Variants in RPS6KA2 observed in about 807,000 individuals in gnomAD.
The protein encoded by RPS6KA2 is ribosomal protein S6 kinase alpha-2.
RPS6KA2 carries 42 observed loss-of-function variants against 91.8 expected under a neutral mutation model. That is an observed-to-expected ratio of 0.46 (90% CI 0.36 to 0.59). The LOEUF is 0.59. Ranked by LOEUF, RPS6KA2 falls within the 20% of genes least tolerant of loss-of-function variation. The probability of loss-of-function intolerance (pLI) is 0.00; values close to 1 mark genes in which losing one functional copy is unlikely to be tolerated. For missense variants in RPS6KA2, 798 were observed against 978.5 expected (o/e 0.82, Z 2.46); for synonymous variants, 414 against 393.6 (o/e 1.05, Z -0.61).
rs141469528 is a variant in RPS6KA2, at chr6:166,639,581, T to C, written c.124-100797A>G. On this transcript the variant is annotated intron_variant, in intron 2 of 21. Transcript: ENST00000503859. This position sits in a 1 kb window ranked among gnomAD's most constrained non-coding sequence, Gnocchi z 4.2. ...TCTGTTCTTCCTAGCCAGGCCTTCT[T>C]CCATGTTGCGTTTGCCTCTCCTCCT... is the stretch of plus-strand genomic sequence containing the variant. Among the ~76,000 whole-genome samples, 1 of 152,268 alleles carries C rather than the reference T, an allele frequency of 6.6e-6. No homozygotes were observed. Among genetic ancestry groups the C allele is most frequent in the East Asian group, 1.9e-4 (1 of 5,176 alleles).
chr6:166,781,926 A>G (rs542722424), intron 2 of RPS6KA2, among the ~76,000 whole-genome samples: 1 of 152,298 alleles, frequency 6.6e-6, no homozygotes, highest in East Asian at 1.9e-4. Context: ...GTTCAGCAGT[A>G]TATCTGGCCT....
At chr6:166,462,026 G>A (rs1037692839) in intron 11 of RPS6KA2, among the ~76,000 whole-genome samples, 1 of 152,244 alleles carries the variant, frequency 6.6e-6, no homozygotes, top group African/African-American at 2.4e-5. Flanking sequence ...GGAGGCCAGG[G>A]TGTGCAGAAC....
rs765821950 is a variant in RPS6KA2, at chr6:166,500,846, T to C, written c.604+41A>G. ...AGGTGGTCCCCAAAGGTACCAGGGC[T>C]GAGATGAAGCCATGGAGGGGGCCTG... On this transcript the variant is annotated intron_variant, in intron 7 of 20. Transcript: ENST00000265678. This position sits in a 1 kb window ranked among gnomAD's most constrained non-coding sequence, Gnocchi z 4.3. The C allele has an allele frequency of 1.3e-6, 2 of 1,567,400 alleles. No individual in the cohort carries two copies. Among genetic ancestry groups the C allele is most frequent in the Non-Finnish European group, 1.8e-6 (2 of 1,137,540 alleles).
At chr6:166,443,172 A>T (rs1779573116) in intron 14 of RPS6KA2, among the ~76,000 whole-genome samples, 1 of 152,194 alleles carries the variant, frequency 6.6e-6, no homozygotes, top group African/African-American at 2.4e-5. Flanking sequence ...AGCAAATCAT[A>T]AGGAAGAGAA....
chr6:166,675,317 C>A (rs1381135919), intron 2 of RPS6KA2, among the ~76,000 whole-genome samples: 1 of 152,236 alleles, frequency 6.6e-6, no homozygotes, highest in Non-Finnish European at 1.5e-5. Context: ...TCCAGCCCAC[C>A]TACCCCTGCT....
chr6:166,751,876 G>C (rs1010678704), intron 2 of RPS6KA2, among the ~76,000 whole-genome samples: 1 of 152,194 alleles, frequency 6.6e-6, no homozygotes, highest in African/African-American at 2.4e-5. Flanking sequence ...ATGGAGCACA[G>C]AGGCCAGACT....
At chr6:166,544,273 G>A (rs1033958382) in intron 1 of RPS6KA2, among the ~76,000 whole-genome samples, 1 of 152,234 alleles carries the variant, frequency 6.6e-6, no homozygotes, top group African/African-American at 2.4e-5. Flanking sequence ...TTTAAAGGGA[G>A]AGAAGATTCA....
Position 166,418,475 on chromosome 6 carries a change from G to T in RPS6KA2, c.1821-133C>A, listed in dbSNP as rs757162582. 1.4e-6 allele frequency: 1 copy of T among 711,344 alleles called. No homozygotes were observed. The highest frequency in any genetic ancestry group is 2.5e-6 in the Non-Finnish European group (1 of 402,894). The allele number at this position is 711,344 out of a possible 1,614,324, so 44.1% of individuals were successfully genotyped here. A position where few individuals can be genotyped will look rare whatever the true frequency, so the allele number is the denominator to read the frequency against. Reference sequence around the variant, plus strand: ...TCTCCCTCCTCTGCTCTGAAGCCAGGATTCATGGGAAAGCGGAACTTACCT... The same window carrying T: ...TCTCCCTCCTCTGCTCTGAAGCCAGTATTCATGGGAAAGCGGAACTTACCT... On this transcript the variant is annotated intron_variant, in intron 18 of 20. Transcript: ENST00000265678. This position sits in a 1 kb window ranked among gnomAD's most constrained non-coding sequence, Gnocchi z 4.9.
chr6:166,550,455 A>C (rs966777716), intron 1 of RPS6KA2, among the ~76,000 whole-genome samples: 2 of 152,008 alleles, frequency 1.3e-5, no homozygotes, highest in African/African-American at 4.8e-5. Context: ...AAAAAAAAGA[A>C]GGACTCAATA....
chr6:166,477,732 G>C, intron 10 of RPS6KA2, among the ~76,000 whole-genome samples: 1 of 152,132 alleles, frequency 6.6e-6, no homozygotes, highest in East Asian at 1.9e-4. Context: ...GCAACATAGC[G>C]GGGCCCCTTC....
chr6:166,625,257 T>C (rs1039339626), intron 1 of RPS6KA2, among the ~76,000 whole-genome samples: 1 of 152,002 alleles, frequency 6.6e-6, no homozygotes, highest in African/African-American at 2.4e-5. Context: ...ACATCGCTGA[T>C]GGTTTATGTA....
intron 11 of RPS6KA2, among the ~76,000 whole-genome samples, chr6:166,469,169 G>A (rs1361312560): frequency 6.6e-6 from 1 of 152,140 alleles, no homozygotes; most frequent in African/African-American, 2.4e-5. Flanking sequence ...TTGGCGTCTT[G>A]GCAGAAATAG....
chr6:166,701,117 G>A, intron 2 of RPS6KA2: 4 of 1,611,440 alleles, frequency 2.5e-6, no homozygotes, highest in Non-Finnish European at 3.4e-6. Context: ...GACTGAGGTG[G>A]TCCACTTTGC....
At chr6:166,457,375 TAA>T (rs1780137931) in intron 12 of RPS6KA2, among the ~76,000 whole-genome samples, 1 of 152,356 alleles carries the variant, frequency 6.6e-6, no homozygotes, top group Non-Finnish European at 1.5e-5. Flanking sequence ...TGAATTGGGT[TAA>T]GTTTGTCAAT....
intron 1 of RPS6KA2, among the ~76,000 whole-genome samples, chr6:166,543,588 T>C (rs1783727910): frequency 6.6e-6 from 1 of 152,218 alleles, no homozygotes; most frequent in Non-Finnish European, 1.5e-5. Flanking sequence ...TCCCCTGGGT[T>C]CGCTCCCACC....
At chr6:166,714,093 G>C (rs1209945402) in intron 2 of RPS6KA2, among the ~76,000 whole-genome samples, 1 of 152,224 alleles carries the variant, frequency 6.6e-6, no homozygotes, top group Non-Finnish European at 1.5e-5. Flanking sequence ...CCAGCCATCA[G>C]TGATGAATTA....
chr6:166,483,980 G>C (rs1375721074), intron 10 of RPS6KA2, among the ~76,000 whole-genome samples: 2 of 152,268 alleles, frequency 1.3e-5, no homozygotes, highest in Non-Finnish European at 2.9e-5. Context: ...CAAGAATTCT[G>C]GGTAAGCGCA....
chr6:166,837,709 C>T (rs1399592168), intron 2 of RPS6KA2, among the ~76,000 whole-genome samples: 1 of 152,184 alleles, frequency 6.6e-6, no homozygotes, highest in Non-Finnish European at 1.5e-5. Context: ...TCCCGGGCTC[C>T]CCACCCTTCA....
chr6:166,772,434 C>T (rs140843017), intron 2 of RPS6KA2, among the ~76,000 whole-genome samples: 64 of 152,322 alleles, frequency 4.2e-4, no homozygotes, highest in African/African-American at 1.4e-3. Flanking sequence ...AGTGTCCTGC[C>T]GACAGCTTCG....
Sources: gnomAD v4.1 joint callset for allele counts (sites outside exome capture counted in the v4.1 genomes callset) on GRCh38, gnomAD v4.1.1 for gene constraint, Gnocchi (gnomAD v3.1) non-coding constraint, MANE v1.5 for transcripts, NCBI Gene and HGNC (gene_info 2026-07-23, HGNC 2026-07-21) for gene names.